PATJ: variants seen among roughly 807,000 people sequenced by gnomAD.
PATJ encodes inaD-like protein.
Under a neutral mutation model 224.9 loss-of-function variants are expected in PATJ, and 190 were observed. That is an observed-to-expected ratio of 0.84 (90% CI 0.75 to 0.95). PATJ has a LOEUF of 0.95. Among genes scored for constraint, PATJ ranks in the 40% least tolerant of loss-of-function variants. The pLI is 0.00. For missense variants in PATJ, 2,121 were observed against 2,270.3 expected (o/e 0.93, Z 1.34); for synonymous variants, 769 against 820.3 (o/e 0.94, Z 1.07).
chr1:61,767,868 G>A (rs1286379289), intron 4 of PATJ, among the ~76,000 whole-genome samples: 1 of 151,238 alleles, frequency 6.6e-6, no homozygotes, highest in Non-Finnish European at 1.5e-5. Context: ...GTAGAGACAG[G>A]GTTTCACCAT....
intron 31 of PATJ, among the ~76,000 whole-genome samples, chr1:62,068,205 A>G (rs1471421580): frequency 6.6e-6 from 1 of 151,982 alleles, no homozygotes; most frequent in Non-Finnish European, 1.5e-5. Flanking sequence ...TTTCTGGGAG[A>G]GATGGGCTCC....
In PATJ at chr1:61,914,625, C is replaced by T. The variant is rs766357795; in HGVS notation, c.3531C>T (p.Thr1177=). ...PNVHNKANKI[T]GNQNQDTQEK... ...TACATAACAAGGCCAACAAAATCAC[C>T]GGTAACCAGAACCAGGACACCCAAG... Residue 1177 remains threonine, a synonymous_variant, in exon 26 of 44, where the codon ACC becomes ACT. Transcript: ENST00000642238. The T allele has an allele frequency of 6.3e-6, 10 of 1,583,166 alleles. No homozygotes were observed. The highest frequency in any genetic ancestry group is 2.7e-5 in the African/African-American group (2 of 74,354).
chr1:62,122,196 C>T (rs1199686954), intron 38 of PATJ, among the ~76,000 whole-genome samples: 4 of 151,390 alleles, frequency 2.6e-5, no homozygotes, highest in Admixed American at 6.6e-5. Context: ...GAAACCTCGC[C>T]TGTACTAAAA....
At chr1:61,744,796 A>G (rs1057366931) in intron 1 of PATJ, among the ~76,000 whole-genome samples, 17 of 152,158 alleles carry the variant, frequency 1.1e-4, no homozygotes, top group Non-Finnish European at 2.4e-4. Context: ...CTCACTTCTG[A>G]TGCCAATCAC....
At chr1:61,775,699 A>G (rs1646876416) in intron 7 of PATJ, among the ~76,000 whole-genome samples, 1 of 152,240 alleles carries the variant, frequency 6.6e-6, no homozygotes. Context: ...TACAGTGATT[A>G]TAAACATTTG....
intron 37 of PATJ, 103 bp from the exon 38 acceptor site, chr1:62,121,078 A>G (rs1337761660): frequency 7.2e-6 from 5 of 694,500 alleles, no homozygotes; most frequent in Admixed American, 5.4e-5. Context: ...TTTCTGTTAG[A>G]TGGTTATGGT....
intron 20 of PATJ, among the ~76,000 whole-genome samples, chr1:61,871,666 A>T (rs1264684183): frequency 6.9e-6 from 1 of 145,618 alleles, no homozygotes; most frequent in Non-Finnish European, 1.5e-5. Context: ...GGGTTCAAGC[A>T]ATTCTCCTAC....
At position 61,951,707 on chromosome 1, in the gene PATJ, G is replaced by A. The variant is rs556588407; in HGVS notation, c.3670+23878G>A. On this transcript the variant is annotated intron_variant, in intron 27 of 43. Coordinates refer to ENST00000642238, the MANE Select transcript of PATJ (RefSeq NM_001350145.3). ...TGCTTAAATAGAATCTTTACTGCAC[G>A]TTTAGAATGTTACTGAGATACAAAT... Among the ~76,000 whole-genome samples, 22 of 152,048 alleles carry A rather than the reference G, an allele frequency of 1.4e-4. No individual in the cohort carries two copies. The South Asian group carries it at 4.2e-3, about 29-fold the overall frequency.
chr1:61,996,770 T>G (rs113393531), intron 28 of PATJ, among the ~76,000 whole-genome samples: 9,016 of 136,936 alleles, frequency 0.066, 838 homozygotes, highest in African/African-American at 0.21. Context: ...TGAGATGGAG[T>G]CTTGCTCTAT....
intron 33 of PATJ, among the ~76,000 whole-genome samples, chr1:62,097,255 G>A (rs186947079): frequency 7.2e-4 from 110 of 151,930 alleles, no homozygotes; most frequent in Middle Eastern, 3.4e-3. Context: ...AATTCCTCTG[G>A]CAACCTTGAT....
At chr1:61,968,846 TC>T (rs754244327) in intron 27 of PATJ, among the ~76,000 whole-genome samples, 14 of 152,164 alleles carry the variant, frequency 9.2e-5, no homozygotes, top group Admixed American at 2.0e-4. Context: ...AAAAATAACT[TC>T]CTGCTTTTAA....
intron 30 of PATJ, 84 bp from the exon 31 acceptor site, chr1:62,050,882 C>A: frequency 1.0e-6 from 1 of 990,140 alleles, no homozygotes; most frequent in Non-Finnish European, 1.6e-6. Flanking sequence ...ATATGATGAG[C>A]AAATGACATT....
At chr1:62,112,444 TG>T (rs1663952155) in intron 34 of PATJ, among the ~76,000 whole-genome samples, 1 of 152,146 alleles carries the variant, frequency 6.6e-6, no homozygotes, top group African/African-American at 2.4e-5. Context: ...AAGCGGAGGC[TG>T]CAATGAGCCG....
chr1:61,914,608 A>T lies in PATJ; in HGVS notation c.3514A>T (p.Lys1172Ter). ...TPRVIPNVHN[K>*]ANKITGNQNQ... ...ATAGGTCATTCCTAACGTACATAAC[A>T]AGGCCAACAAAATCACCGGTAACCA... Residue 1172 changes from lysine (K) to a stop codon, truncating the protein, a stop_gained, in exon 26 of 44, where the codon AAG becomes TAG. Coordinates refer to ENST00000642238, the MANE Select transcript of PATJ (RefSeq NM_001350145.3). LOFTEE classifies it high-confidence loss of function. 6.4e-7 allele frequency: 1 copy of T among 1,574,432 alleles called. No individual in the cohort carries two copies. Among genetic ancestry groups the T allele is most frequent in the South Asian group, 1.1e-5 (1 of 90,044 alleles).
chr1:62,131,387 T>C (rs189923228), intron 41 of PATJ, among the ~76,000 whole-genome samples: 27 of 152,270 alleles, frequency 1.8e-4, no homozygotes, highest in Admixed American at 1.7e-3. Context: ...AAATGGTAAC[T>C]GACCAGAAAA....
At chr1:61,753,304 T>A (rs1034438082) in intron 1 of PATJ, among the ~76,000 whole-genome samples, 2 of 152,126 alleles carry the variant, frequency 1.3e-5, no homozygotes, top group Admixed American at 1.3e-4. Flanking sequence ...GTGGTCTAAT[T>A]GTGACCTTCC....
Position 62,113,927 on chromosome 1 carries a change from G to A in PATJ, c.4462-126G>A, listed in dbSNP as rs1664150253. Reference sequence around the variant, plus strand: ...CTCATACTGCTTGTGGTCACTACCTGTTTGCCTTGAGATTGGCTGGAAATT... The same window carrying A: ...CTCATACTGCTTGTGGTCACTACCTATTTGCCTTGAGATTGGCTGGAAATT... On this transcript the variant is annotated intron_variant, in intron 34 of 43. Coordinates refer to ENST00000642238, the MANE Select transcript of PATJ (RefSeq NM_001350145.3). 9 of 879,662 alleles carry A rather than the reference G, an allele frequency of 1.0e-5. No individual in the cohort carries two copies. The South Asian group carries it at 1.1e-4, about 11-fold the overall frequency. 54.5% of individuals were successfully genotyped at this position (879,662 alleles called of 1,614,324 possible).
At chr1:61,974,298 G>A (rs943333364) in intron 27 of PATJ, among the ~76,000 whole-genome samples, 2 of 151,528 alleles carry the variant, frequency 1.3e-5, no homozygotes, top group Non-Finnish European at 2.9e-5. Context: ...AAGCCTAAAG[G>A]TGGTCATTGA....
At chr1:61,847,949 T>A (rs1026326782) in intron 17 of PATJ, among the ~76,000 whole-genome samples, 25 of 149,122 alleles carry the variant, frequency 1.7e-4, no homozygotes, top group South Asian at 1.1e-3. Flanking sequence ...TGTTTTTTTT[T>A]ATAGTAAATA....
Sources: gnomAD v4.1 joint callset for allele counts (sites outside exome capture counted in the v4.1 genomes callset) on GRCh38, gnomAD v4.1.1 for gene constraint, MANE v1.5 for transcripts, NCBI Gene and HGNC (gene_info 2026-07-23, HGNC 2026-07-21) for gene names.